Variants in ZNF112 observed in about 807,000 individuals in gnomAD.
ZNF112 encodes zinc finger protein 112, also known as zinc finger protein 112 (Y14).
A neutral mutation model predicts 77.7 loss-of-function variants in ZNF112; 37 were observed. The observed-to-expected ratio is 0.48, with a 90% CI of 0.37 to 0.63. The LOEUF is 0.63. Ranked by LOEUF, ZNF112 falls within the 20% of genes least tolerant of loss-of-function variation. The probability of loss-of-function intolerance (pLI) is 0.00; values close to 1 mark genes in which losing one functional copy is unlikely to be tolerated. For missense variants in ZNF112, 950 were observed against 1,077.4 expected (o/e 0.88, Z 1.66); for synonymous variants, 333 against 363.6 (o/e 0.92, Z 0.96).
Position 44,328,748 on chromosome 19 carries a change from C to T in ZNF112, c.1409G>A (p.Cys470Tyr), listed in dbSNP as rs377135791. The T allele has an allele frequency of 8.7e-6, 14 of 1,614,032 alleles. No individual in the cohort carries two copies. Among genetic ancestry groups the T allele is most frequent in the African/African-American group, 2.7e-5 (2 of 75,018 alleles). ...TAAATTATGGCTGAAGCTGTTACTA[C>T]ACACATAGCGTTTATATGGTTGTTC... The part of the protein sequence containing the change: ...TKEQPYKRYV[C>Y]SNSFSHNLYL... Residue 470 changes from cysteine (C) to tyrosine (Y), a missense_variant, in exon 4 of 4, where the codon TGT (cysteine) becomes TAT (tyrosine). Around this residue, in one of 3 missense-constraint regions of ZNF112, gnomAD observed 560 missense variants for 557.3 expected, o/e 1.00. Transcript: ENST00000354340.
intron 1 of ZNF112, among the ~76,000 whole-genome samples, chr19:44,366,766 A>T (rs1970909001): frequency 6.6e-6 from 1 of 151,952 alleles, no homozygotes; most frequent in African/African-American, 2.4e-5. Context: ...GGCTCATAGA[A>T]GCTTTCAGGT....
chr19:44,336,227 T>G (rs1970363032), intron 3 of ZNF112, among the ~76,000 whole-genome samples: 1 of 152,190 alleles, frequency 6.6e-6, no homozygotes, highest in Non-Finnish European at 1.5e-5. Context: ...AGAATACCCT[T>G]CAATTACACA....
chr19:44,350,124 T>C (rs1970665938), intron 1 of ZNF112, among the ~76,000 whole-genome samples: 2 of 152,094 alleles, frequency 1.3e-5, no homozygotes, highest in South Asian at 2.1e-4. Flanking sequence ...AAAAGATATG[T>C]TGGAGCAGAA....
At chr19:44,331,251 C>T (rs1284148595) in intron 3 of ZNF112, among the ~76,000 whole-genome samples, 1 of 152,204 alleles carries the variant, frequency 6.6e-6, no homozygotes, top group Non-Finnish European at 1.5e-5. Flanking sequence ...AATTATGGCA[C>T]CTGTAGGTGT....
chr19:44,356,154 T>C (rs996256154), intron 1 of ZNF112, among the ~76,000 whole-genome samples: 5 of 152,198 alleles, frequency 3.3e-5, no homozygotes, highest in Non-Finnish European at 7.3e-5. Flanking sequence ...TTCAGGGAAC[T>C]GAGTCCTTCT....
At chr19:44,336,224 C>T (rs1346556848) in intron 3 of ZNF112, among the ~76,000 whole-genome samples, 1 of 152,034 alleles carries the variant, frequency 6.6e-6, no homozygotes, top group Non-Finnish European at 1.5e-5. Flanking sequence ...TCTAGAATAC[C>T]CTTCAATTAC....
intron 2 of ZNF112, among the ~76,000 whole-genome samples, chr19:44,339,208 T>C (rs1343909435): frequency 6.6e-6 from 1 of 151,742 alleles, no homozygotes; most frequent in Non-Finnish European, 1.5e-5. Flanking sequence ...AAGGAAAGAG[T>C]TAGTTTTGTT....
chr19:44,348,979 A>T (rs1054201879), intron 1 of ZNF112, among the ~76,000 whole-genome samples: 1 of 152,114 alleles, frequency 6.6e-6, no homozygotes, highest in African/African-American at 2.4e-5. Context: ...TCTGTACAGG[A>T]TGTAAGCTAA....
intron 1 of ZNF112, among the ~76,000 whole-genome samples, chr19:44,347,929 AT>A (rs1599931497): frequency 1.3e-5 from 2 of 151,946 alleles, no homozygotes; most frequent in South Asian, 4.1e-4. Flanking sequence ...CAGATGTGGC[AT>A]TTTTTCATTT....
intron 3 of ZNF112, 23 bp from the exon 4 acceptor site, chr19:44,329,959 G>T (rs776249296): frequency 6.4e-7 from 1 of 1,559,404 alleles, no homozygotes; most frequent in South Asian, 1.2e-5. Context: ...AGAGAATTCA[G>T]ATGTGCACGA....
At chr19:44,344,027 G>A (rs1387534798) in intron 1 of ZNF112, among the ~76,000 whole-genome samples, 6 of 152,162 alleles carry the variant, frequency 3.9e-5, no homozygotes, top group Non-Finnish European at 7.4e-5. Context: ...AAATGCAGTG[G>A]CTAGTAAATA....
chr19:44,342,660 C>CA lies in ZNF112; in HGVS notation c.-3-2119dup, dbSNP rs533962982. ...TGAAACCCCATCTCTACTAAAAATA[C>CA]AAAAAAATAGCTCGGTGTGGTGGCA... is the stretch of plus-strand genomic sequence containing the variant. On this transcript the variant is annotated intron_variant, in intron 1 of 3. Coordinates refer to ENST00000354340, the MANE Select transcript of ZNF112 (RefSeq NM_013380.4). Among the ~76,000 whole-genome samples the CA allele has an allele frequency of 2.2e-4, 33 of 151,512 alleles. No individual in the cohort carries two copies. The East Asian group carries it at 6.0e-3, about 28-fold the overall frequency.
intron 1 of ZNF112, among the ~76,000 whole-genome samples, chr19:44,348,029 G>A (rs2123197340): frequency 6.6e-6 from 1 of 152,016 alleles, no homozygotes; most frequent in African/African-American, 2.4e-5. Flanking sequence ...ATGTTTTCTG[G>A]CCTCCATGGC....
At chr19:44,364,729 T>A (rs114560269) in intron 1 of ZNF112, among the ~76,000 whole-genome samples, 3,527 of 152,286 alleles carry the variant, frequency 0.023, 140 homozygotes, top group African/African-American at 0.077. Flanking sequence ...TTTTATTGTA[T>A]AGGGATGGAA....
rs1970228351 is a variant in ZNF112 at position 44,329,613 on chromosome 19, G to A, written c.544C>T (p.Leu182=). ...RAHHSWRKMY[L]KESHNYQCRC... is the part of the protein sequence containing the mutation. ...CACTGATAATTATGTGACTCTTTCA[G>A]ATACATTTTCCTCCAAGAATGATGT... is the stretch of plus-strand genomic sequence containing the variant. The change falls in exon 4 of 4, where the codon CTG becomes TTG. Residue 182 remains leucine, a synonymous_variant. Coordinates refer to ENST00000354340, the MANE Select transcript of ZNF112 (RefSeq NM_013380.4). 1.2e-6 allele frequency: 2 copies of A among 1,614,096 alleles called. No homozygotes were observed. The highest frequency in any genetic ancestry group is 2.2e-5 in the South Asian group (2 of 91,076).
chr19:44,340,302 C>T, intron 2 of ZNF112, 114 bp downstream of exon 2: 1 of 1,440,032 alleles, frequency 6.9e-7, no homozygotes, highest in Non-Finnish European at 9.4e-7. Flanking sequence ...TATTAGGACT[C>T]TCGGGCACCT....
chr19:44,341,818 A>G (rs576943306), intron 1 of ZNF112, among the ~76,000 whole-genome samples: 1 of 152,360 alleles, frequency 6.6e-6, no homozygotes, highest in Non-Finnish European at 1.5e-5. Context: ...TAAATGAACA[A>G]CTGTTCAGTC....
chr19:44,336,515 G>A (rs1970369351), intron 3 of ZNF112, 108 bp downstream of exon 3: 2 of 907,064 alleles, frequency 2.2e-6, no homozygotes, highest in Non-Finnish European at 1.8e-6. Context: ...AACTTACTAT[G>A]TGTGAAATGG....
intron 1 of ZNF112, among the ~76,000 whole-genome samples, chr19:44,352,185 T>A (rs1379387533): frequency 6.6e-6 from 1 of 151,974 alleles, no homozygotes; most frequent in Non-Finnish European, 1.5e-5. Flanking sequence ...ACAATGCAAT[T>A]GTCAAAACTC....
Sources: gnomAD v4.1 joint callset for allele counts (sites outside exome capture counted in the v4.1 genomes callset) on GRCh38, gnomAD v4.1.1 for gene constraint, gnomAD v4.1.1 regional missense constraint, MANE v1.5 for transcripts, NCBI Gene and HGNC (gene_info 2026-07-23, HGNC 2026-07-21) for gene names.